Variants in TMX3 observed in about 807,000 individuals in gnomAD.
TMX3 encodes protein disulfide-isomerase TMX3.
In TMX3, 40 loss-of-function variants were observed where a neutral mutation model predicts 64.4. The ratio of observed to expected loss-of-function variants is 0.62; its 90% CI spans 0.48 to 0.81. The LOEUF (loss-of-function observed/expected upper bound fraction) is 0.81, where lower values mean the gene tolerates loss of function less well. TMX3 is among the 30% of genes least tolerant of loss of function. The pLI, the probability that TMX3 is intolerant of heterozygous loss-of-function variation, is 0.00. For synonymous variants in TMX3, 189 were observed against 175.7 expected, an observed-to-expected ratio of 1.08 and a Z score of -0.60; for missense variants, 497 against 534.5, an observed-to-expected ratio of 0.93 and a Z score of 0.69.
At chr18:68,708,039 A>G (rs2030888938) in intron 4 of TMX3, among the ~76,000 whole-genome samples, 2 of 126,888 alleles carry the variant, frequency 1.6e-5, no homozygotes, top group South Asian at 2.1e-4. Flanking sequence ...ATATGTGTAT[A>G]TATGTGTATA....
At chr18:68,682,892 T>C (rs1420183019) in intron 13 of TMX3, 33 bp downstream of exon 13, 1 of 1,573,158 alleles carries the variant, frequency 6.4e-7, no homozygotes, top group South Asian at 1.2e-5. Context: ...AATTAATAGA[T>C]TTGACAGCAA....
chr18:68,682,733 C>A lies in TMX3; in HGVS notation c.905+192G>T, dbSNP rs1223334156. 3.3e-5 allele frequency among the ~76,000 whole-genome samples: 5 copies of A among 149,848 alleles called. No individual in the cohort carries two copies. In the East Asian group the frequency reaches 9.7e-4, roughly 29 times the overall value. On this transcript the variant is annotated intron_variant, in intron 13 of 15. Coordinates refer to ENST00000299608, the MANE Select transcript of TMX3 (RefSeq NM_019022.5). ...ATTTTTTTTTTTTTTTACTATAGAC[C>A]AATATTAAAGTCAGTTAAGTTCCAA...
intron 4 of TMX3, among the ~76,000 whole-genome samples, chr18:68,703,492 A>G (rs1335209690): frequency 2.0e-5 from 3 of 152,134 alleles, no homozygotes; most frequent in Non-Finnish European, 2.9e-5. Flanking sequence ...ACTTAACCCT[A>G]TTACATCATT....
intron 9 of TMX3, among the ~76,000 whole-genome samples, chr18:68,689,388 T>A (rs1914286630): frequency 6.6e-6 from 1 of 150,822 alleles, no homozygotes; most frequent in African/African-American, 2.5e-5. Flanking sequence ...ACAGATATGA[T>A]CAGTGTTTTT....
chr18:68,696,399 T>G (rs425123), intron 8 of TMX3, among the ~76,000 whole-genome samples: 1 of 151,764 alleles, frequency 6.6e-6, no homozygotes, highest in Non-Finnish European at 1.5e-5. Flanking sequence ...GTCTCAAACT[T>G]CTGACCTTGT....
chr18:68,715,031 A>G lies in TMX3; in HGVS notation c.-50T>C. 6.4e-7 allele frequency: 1 copy of G among 1,551,536 alleles called. No homozygotes were observed. The highest frequency in any genetic ancestry group is 8.7e-7 in the Non-Finnish European group (1 of 1,147,706). On this transcript the variant is annotated 5_prime_UTR_variant, in exon 1 of 16. Coordinates refer to ENST00000299608, the MANE Select transcript of TMX3 (RefSeq NM_019022.5). ...CTGACTGTGCAAAAGAGGGATAAAGACACTGGGGTCCGCCGCCTGCCCGCC... is the reference window on the plus strand; with the variant it reads ...CTGACTGTGCAAAAGAGGGATAAAGGCACTGGGGTCCGCCGCCTGCCCGCC...
intron 10 of TMX3, 172 bp downstream of exon 10, chr18:68,687,495 T>C: frequency 1.0e-6 from 1 of 985,338 alleles, no homozygotes; most frequent in Non-Finnish European, 1.2e-6. Context: ...CATGCAAAGG[T>C]ATATCTTCTG....
intron 4 of TMX3, among the ~76,000 whole-genome samples, chr18:68,703,426 T>C (rs1352174220): frequency 6.6e-6 from 1 of 152,190 alleles, no homozygotes; most frequent in Non-Finnish European, 1.5e-5. Context: ...TCATGCTTCA[T>C]AGCCTGATAT....
At chr18:68,700,368 T>G (rs766819284) in intron 6 of TMX3, 37 bp downstream of exon 6, 4 of 1,326,322 alleles carry the variant, frequency 3.0e-6, no homozygotes, top group Non-Finnish European at 3.1e-6. Flanking sequence ...TTTCAAATAT[T>G]AATAACATAC....
At chr18:68,714,863 G>A in intron 1 of TMX3, 73 bp downstream of exon 1, 2 of 1,543,346 alleles carry the variant, frequency 1.3e-6, no homozygotes, top group Admixed American at 2.0e-5. Flanking sequence ...CCAGACCCGG[G>A]TCCAATCCCG....
At chr18:68,705,784 T>G (rs1003009085) in intron 4 of TMX3, among the ~76,000 whole-genome samples, 2 of 152,222 alleles carry the variant, frequency 1.3e-5, no homozygotes, top group African/African-American at 4.8e-5. Context: ...CAAGACATTT[T>G]GGTACAATTC....
At chr18:68,711,953 G>T (rs956765663) in intron 2 of TMX3, among the ~76,000 whole-genome samples, 1 of 152,142 alleles carries the variant, frequency 6.6e-6, no homozygotes, top group East Asian at 1.9e-4. Flanking sequence ...ACCATCAGCT[G>T]GTCAGGCCCA....
intron 15 of TMX3, among the ~76,000 whole-genome samples, chr18:68,678,014 G>C (rs1913086182): frequency 6.6e-6 from 1 of 152,076 alleles, no homozygotes; most frequent in Non-Finnish European, 1.5e-5. Flanking sequence ...CCTGGAAAAG[G>C]GAAGGAAAGT....
chr18:68,684,098 C>A, intron 12 of TMX3, 92 bp downstream of exon 12: 1 of 920,530 alleles, frequency 1.1e-6, no homozygotes. Flanking sequence ...TGATTCACCT[C>A]TAAAAGCATG....
In TMX3 at chr18:68,715,098, CCG is replaced by C. The variant is rs1351208947; in HGVS notation, c.-119_-118del. Reference sequence around the variant, plus strand: ...GCCGACCCGGAGCGGAAGAGAAGCACCGCGCTAACTACGGGGGCGGGGCTACC... The same window carrying C: ...GCCGACCCGGAGCGGAAGAGAAGCACCGCTAACTACGGGGGCGGGGCTACC... On this transcript the variant is annotated 5_prime_UTR_variant, in exon 1 of 16. Coordinates refer to ENST00000299608, the MANE Select transcript of TMX3 (RefSeq NM_019022.5). 9 of 1,520,046 alleles carry C rather than the reference CCG, an allele frequency of 5.9e-6. No homozygotes were observed. The African/African-American group carries it at 1.1e-4, about 19-fold the overall frequency. The allele number at this position is 1,520,046 out of a possible 1,614,324, so 94.2% of individuals were successfully genotyped here. A position where few individuals can be genotyped will look rare whatever the true frequency, so the allele number is the denominator to read the frequency against.
At chr18:68,703,110 T>C (rs1056872067) in intron 4 of TMX3, among the ~76,000 whole-genome samples, 1 of 152,208 alleles carries the variant, frequency 6.6e-6, no homozygotes, top group Non-Finnish European at 1.5e-5. Flanking sequence ...TTGGAGACTG[T>C]GGGTATGGAG....
At position 68,682,999 on chromosome 18, in the gene TMX3, A is replaced by T. The variant is rs1568180597; in HGVS notation, c.849-18T>A. ...GAAAATCCCTAACCACCACCAACCAAAAATAAATAAATAAAAGGAGAGGGG... is the reference window on the plus strand; with the variant it reads ...GAAAATCCCTAACCACCACCAACCATAAATAAATAAATAAAAGGAGAGGGG... On this transcript the variant is annotated intron_variant, in intron 12 of 15. Coordinates refer to ENST00000299608, the MANE Select transcript of TMX3 (RefSeq NM_019022.5). 2 of 1,607,606 alleles carry T rather than the reference A, an allele frequency of 1.2e-6. No individual in the cohort carries two copies. The highest frequency in any genetic ancestry group is 4.5e-5 in the East Asian group (2 of 44,610).
chr18:68,691,751 A>G (rs985278073), intron 8 of TMX3, among the ~76,000 whole-genome samples: 12 of 152,214 alleles, frequency 7.9e-5, no homozygotes, highest in Non-Finnish European at 1.8e-4. Flanking sequence ...CCTATCTCAC[A>G]GAACAATTAG....
chr18:68,677,796 A>G (rs1913064349), intron 15 of TMX3, among the ~76,000 whole-genome samples: 1 of 152,126 alleles, frequency 6.6e-6, no homozygotes, highest in South Asian at 2.1e-4. Flanking sequence ...GAACATAGAG[A>G]AGTTCAGAGA....
Sources: gnomAD v4.1 joint callset for allele counts (sites outside exome capture counted in the v4.1 genomes callset) on GRCh38, gnomAD v4.1.1 for gene constraint, MANE v1.5 for transcripts, NCBI Gene and HGNC (gene_info 2026-07-23, HGNC 2026-07-21) for gene names.